The following ATG16L1 variants were observed in gnomAD, a reference collection of about 807,000 sequenced individuals.
ATG16L1 encodes autophagy-related protein 16-1.
ATG16L1 carries 37 observed loss-of-function variants against 88.5 expected under a neutral mutation model. The observed-to-expected ratio is 0.42, with a 90% CI of 0.32 to 0.55. The LOEUF is 0.55. ATG16L1 is among the 20% of genes least tolerant of loss of function. ATG16L1 has a pLI of 0.13. For synonymous variants in ATG16L1, 301 were observed against 281.0 expected (o/e 1.07, Z -0.71); for missense variants, 554 against 752.8 (o/e 0.74, Z 3.09).
intron 12 of ATG16L1, among the ~76,000 whole-genome samples, chr2:233,287,155 CT>C (rs1699143552): frequency 6.6e-6 from 1 of 152,138 alleles, no homozygotes; most frequent in Non-Finnish European, 1.5e-5. Flanking sequence ...TGAGTCCGTA[CT>C]AAGATAGCAC....
chr2:233,253,733 A>G (rs1238245765), intron 1 of ATG16L1, among the ~76,000 whole-genome samples: 1 of 152,086 alleles, frequency 6.6e-6, no homozygotes. Flanking sequence ...CTTTGCTTTC[A>G]CTGCACCCAT....
intron 11 of ATG16L1, among the ~76,000 whole-genome samples, chr2:233,282,454 G>A (rs1559404510): frequency 6.6e-6 from 1 of 152,086 alleles, no homozygotes; most frequent in East Asian, 1.9e-4. Context: ...AGCTTGAGGT[G>A]TCTGCAATAT....
chr2:233,275,855 C>G (rs1171867782), intron 9 of ATG16L1: 1 of 519,188 alleles, frequency 1.9e-6, no homozygotes, highest in South Asian at 1.4e-5. Context: ...CATGGAGCAG[C>G]TGATAATTTG....
At chr2:233,284,871 T>C (rs1446299750) in intron 12 of ATG16L1, among the ~76,000 whole-genome samples, 1 of 152,236 alleles carries the variant, frequency 6.6e-6, no homozygotes, top group African/African-American at 2.4e-5. Context: ...GTATAGATTA[T>C]TAGTATTAGA....
At chr2:233,269,675 A>G (rs1396755579) in intron 5 of ATG16L1, among the ~76,000 whole-genome samples, 1 of 152,210 alleles carries the variant, frequency 6.6e-6, no homozygotes, top group Non-Finnish European at 1.5e-5. Flanking sequence ...AGTCACAACC[A>G]TGACTAACCC....
intron 2 of ATG16L1, among the ~76,000 whole-genome samples, chr2:233,258,170 C>T (rs1424793075): frequency 6.6e-6 from 1 of 152,060 alleles, no homozygotes; most frequent in Non-Finnish European, 1.5e-5. Context: ...TTATTATCCT[C>T]TTCTGTAATA....
chr2:233,290,178 G>T (rs1014221408), intron 13 of ATG16L1, 70 bp from the exon 14 acceptor site: 1 of 1,541,574 alleles, frequency 6.5e-7, no homozygotes, highest in South Asian at 1.1e-5. Context: ...AGTGGTTAGA[G>T]GGTGGCAGCA....
At chr2:233,258,024 T>A (rs1390617032) in intron 2 of ATG16L1, among the ~76,000 whole-genome samples, 10 of 51,992 alleles carry the variant, frequency 1.9e-4, no homozygotes, top group South Asian at 9.0e-4. Context: ...AAAATATCTA[T>A]ATATCTATAT....
Position 233,277,621 on chromosome 2 carries a change from A to G in ATG16L1, c.1008A>G (p.Leu336=), listed in dbSNP as rs776863414. ...TGCAGTTCAGTCCAGGTTCCCGGTT[A>G]CTGGCCACTGGAGGCATGGACCGCA... The part of the protein sequence containing the change: ...NAVQFSPGSR[L]LATGGMDRRV... Residue 336 remains leucine, a synonymous_variant, in exon 10 of 18, where the codon TTA becomes TTG. Coordinates refer to ENST00000392017, the MANE Select transcript of ATG16L1 (RefSeq NM_030803.7). 19 of 1,614,000 alleles carry G rather than the reference A, an allele frequency of 1.2e-5. No homozygotes were observed. The highest frequency in any genetic ancestry group is 2.7e-5 in the African/African-American group (2 of 74,926).
chr2:233,282,746 G>A lies in ATG16L1; in HGVS notation c.1196G>A (p.Arg399Gln), dbSNP rs901312933. ...CGAATCTGGACTGTGGATGATTATC[G>A]ATTACGGGTAAGACCCAGTTAAGAA... The part of the protein sequence containing the change: ...ASRIWTVDDY[R>Q]LRHTLTGHSG... The change falls in exon 12 of 18, where the codon CGA becomes CAA. Residue 399 changes from arginine (R) to glutamine (Q), a missense_variant. This residue lies in a region of ATG16L1 where 370 missense variants were observed against 509.7 expected (regional missense o/e 0.73). Coordinates refer to ENST00000392017, the MANE Select transcript of ATG16L1 (RefSeq NM_030803.7). 4.3e-6 allele frequency: 7 copies of A among 1,613,682 alleles called. No individual in the cohort carries two copies. The highest frequency in any genetic ancestry group is 2.7e-5 in the African/African-American group (2 of 74,898).
chr2:233,274,649 A>G (rs773489253), intron 8 of ATG16L1, 27 bp from the exon 9 acceptor site: 2 of 1,553,282 alleles, frequency 1.3e-6, no homozygotes, highest in South Asian at 2.2e-5. Flanking sequence ...AATCCTGTCT[A>G]ATATTTGTCT....
Position 233,270,213 on chromosome 2 carries a change from G to C in ATG16L1, c.707+146G>C, listed in dbSNP as rs1574864248. 7.8e-5 allele frequency: 40 copies of C among 514,174 alleles called. No homozygotes were observed. The East Asian group carries it at 1.4e-3, about 18-fold the overall frequency. 31.9% of individuals were successfully genotyped at this position (514,174 alleles called of 1,614,324 possible). ...GCTGGAGTGCAGTGGTGTGATCATA[G>C]CTTCTAATGTTTTTATTTCTGTAAA... On this transcript the variant is annotated intron_variant, in intron 6 of 17. Transcript: ENST00000392017.
Position 233,271,495 on chromosome 2 carries a change from C to T in ATG16L1, c.707+1428C>T, listed in dbSNP as rs1697984817. Among the ~76,000 whole-genome samples, 6 of 152,318 alleles carry T rather than the reference C, an allele frequency of 3.9e-5. No individual in the cohort carries two copies. In the South Asian group the frequency reaches 1.2e-3, roughly 32 times the overall value. The stretch of plus-strand genomic sequence containing the variant: ...GTTTCTCCATGTTGGTCAGGCTGGT[C>T]TCGAACTCCTGACTTCAGGTGATCT... On this transcript the variant is annotated intron_variant, in intron 6 of 17. Coordinates refer to ENST00000392017, the MANE Select transcript of ATG16L1 (RefSeq NM_030803.7).
intron 12 of ATG16L1, among the ~76,000 whole-genome samples, chr2:233,284,450 G>C (rs1339525717): frequency 6.6e-6 from 1 of 152,202 alleles, no homozygotes; most frequent in African/African-American, 2.4e-5. Flanking sequence ...TCCTGCCTCA[G>C]CCTCCTGAGT....
At position 233,283,015 on chromosome 2, in the gene ATG16L1, G is replaced by A. The variant is rs547566720; in HGVS notation, c.1203+262G>A. The A allele has an allele frequency of 1.3e-4, 48 of 371,734 alleles. No homozygotes were observed. The South Asian group carries it at 1.4e-3, about 11-fold the overall frequency. 23.0% of individuals were successfully genotyped at this position (371,734 alleles called of 1,614,324 possible). On this transcript the variant is annotated intron_variant, in intron 12 of 17. Transcript: ENST00000392017. ...ACTCTTCATAAGGACTAAATACTTT[G>A]GTAGATAGCAATTTTGGCTTAATGG...
At position 233,263,199 on chromosome 2, in the gene ATG16L1, A is replaced by T; in HGVS notation, c.279A>T (p.Gln93His). ...QEMAQLRIKH[Q>H]EELTELHKKR... Reference sequence around the variant, plus strand: ...TGGCCCAACTGAGGATTAAGCACCAAGAGGAACTGACTGAATTACACAAGA... The same window carrying T: ...TGGCCCAACTGAGGATTAAGCACCATGAGGAACTGACTGAATTACACAAGA... Residue 93 changes from glutamine to histidine, a missense_variant, in exon 3 of 18, where the codon CAA becomes CAT. Around this residue, in one of 5 missense-constraint regions of ATG16L1, gnomAD observed 11 missense variants for 32.1 expected, o/e 0.34. Transcript: ENST00000392017. 1 of 1,614,124 alleles carries T rather than the reference A, an allele frequency of 6.2e-7. No individual in the cohort carries two copies. The highest frequency in any genetic ancestry group is 1.1e-5 in the South Asian group (1 of 91,058).
intron 9 of ATG16L1, chr2:233,275,426 G>A (rs908737796): frequency 1.9e-5 from 6 of 314,810 alleles, no homozygotes; most frequent in Non-Finnish European, 3.8e-5. Flanking sequence ...AGAACCTGGA[G>A]AGTTGGACTG....
rs147191546 is a variant in ATG16L1, at chr2:233,293,299, C to G, written c.1672C>G (p.Leu558Val). 2.2e-4 allele frequency: 362 copies of G among 1,614,108 alleles called. No individual in the cohort carries two copies. Among genetic ancestry groups the G allele is most frequent in the Non-Finnish European group, 2.5e-4 (293 of 1,180,050 alleles). ...GGCGGCAGGCTCTGCTGAGGGCTCT[C>G]TGTATATCTGGAGTGTGCTCACAGG... ...YVAAGSAEGS[L>V]YIWSVLTGKV... is the part of the protein sequence containing the mutation. The change falls in exon 17 of 18, where the codon CTG becomes GTG. Residue 558 changes from leucine to valine, a missense_variant. By Grantham distance (32) the Leu-to-Val change is conservative. Transcript: ENST00000392017.
intron 12 of ATG16L1, among the ~76,000 whole-genome samples, chr2:233,284,416 C>T (rs990371965): frequency 1.3e-5 from 2 of 152,186 alleles, no homozygotes; most frequent in Admixed American, 1.3e-4. Flanking sequence ...ACTGCAAGCT[C>T]CACCTGCCAG....
Sources: gnomAD v4.1 joint callset for allele counts (sites outside exome capture counted in the v4.1 genomes callset) on GRCh38, gnomAD v4.1.1 for gene constraint, gnomAD v4.1.1 regional missense constraint, MANE v1.5 for transcripts, NCBI Gene and HGNC (gene_info 2026-07-23, HGNC 2026-07-21) for gene names.